The following FLNB variants were observed in gnomAD, a reference collection of about 807,000 sequenced individuals.
FLNB encodes filamin B, also known as filamin-B.
FLNB carries 111 observed loss-of-function variants against 250.6 expected under a neutral mutation model. The observed-to-expected ratio is 0.44, with a 90% CI of 0.38 to 0.52. FLNB has a LOEUF of 0.52. Among genes scored for constraint, FLNB ranks in the 20% least tolerant of loss-of-function variants. FLNB has a pLI of 0.00. For missense variants in FLNB, 2,869 were observed against 3,447.8 expected, an observed-to-expected ratio of 0.83 and a Z score of 4.20; for synonymous variants, 1,302 against 1,372.1, an observed-to-expected ratio of 0.95 and a Z score of 1.13.
chr3:58,043,291 T>C (rs1038270288), intron 1 of FLNB, among the ~76,000 whole-genome samples: 1 of 151,834 alleles, frequency 6.6e-6, no homozygotes, highest in African/African-American at 2.4e-5. Flanking sequence ...CACTCCACCG[T>C]GTCCGGCTAA....
chr3:58,153,500 C>A lies in FLNB; in HGVS notation c.6493C>A (p.His2165Asn). Residue 2165 changes from histidine to asparagine, a missense_variant, in exon 39 of 46, where the codon CAC becomes AAC. His to Asn is a moderately conservative substitution (Grantham distance 68, BLOSUM62 1). Transcript: ENST00000295956. ...VRFVPQEMGV[H>N]TVSVKYRGQH... is the part of the protein sequence containing the mutation. ...GTTTGTGCCCCAGGAGATGGGCGTG[C>A]ACACGGTCAGCGTCAAGTACCGTGG... 6.2e-7 allele frequency: 1 copy of A among 1,614,212 alleles called. No individual in the cohort carries two copies. Among genetic ancestry groups the A allele is most frequent in the Non-Finnish European group, 8.5e-7 (1 of 1,180,052 alleles).
intron 4 of FLNB, among the ~76,000 whole-genome samples, chr3:58,083,810 C>T (rs949469352): frequency 3.3e-5 from 5 of 152,150 alleles, no homozygotes; most frequent in Non-Finnish European, 7.3e-5. Flanking sequence ...GTGTGTGAGA[C>T]ATCACTTGTG....
At position 58,132,802 on chromosome 3, in the gene FLNB, C is replaced by A; in HGVS notation, c.4391-6C>A. On this transcript the variant is annotated splice_polypyrimidine_tract_variant and splice_region_variant and intron_variant, in intron 25 of 45. Coordinates refer to ENST00000295956, the MANE Select transcript of FLNB (RefSeq NM_001457.4). ...AGCTCCTTAAACCTCTCATCTCTGT[C>A]CTCAGGCTTGGTGGAGCCAGTGAAC... 8.1e-6 allele frequency: 13 copies of A among 1,614,086 alleles called. No individual in the cohort carries two copies. Among genetic ancestry groups the A allele is most frequent in the Non-Finnish European group, 1.1e-5 (13 of 1,180,016 alleles).
At chr3:58,152,881 G>A (rs1404557670) in intron 38 of FLNB, 1 of 450,890 alleles carries the variant, frequency 2.2e-6, no homozygotes, top group African/African-American at 2.0e-5. Context: ...GAGTGATGTG[G>A]TCTTGCGTCC....
rs150151190 is a variant in FLNB, at chr3:58,150,713, C to T, written c.6367+486C>T. 4.4e-4 allele frequency: 87 copies of T among 198,946 alleles called. 1 individual carries two copies. Among genetic ancestry groups the T allele is most frequent in the African/African-American group, 1.6e-3 (68 of 42,818 alleles). The allele number at this position is 198,946 out of a possible 1,614,324, so 12.3% of individuals were successfully genotyped here. On this transcript the variant is annotated intron_variant, in intron 38 of 45. Coordinates refer to ENST00000295956, the MANE Select transcript of FLNB (RefSeq NM_001457.4). ...GTGGTGAATTGTTCTTCTTGGGCCCCGATTAGCCAGTCAACAGGTCACACA... is the reference window on the plus strand; with the variant it reads ...GTGGTGAATTGTTCTTCTTGGGCCCTGATTAGCCAGTCAACAGGTCACACA...
At chr3:58,162,579 C>A (rs1185014962) in intron 42 of FLNB, 1 of 152,700 alleles carries the variant, frequency 6.5e-6, no homozygotes, top group Non-Finnish European at 1.5e-5. Context: ...CTTTTTATTT[C>A]TTGTTATGCC....
At chr3:58,078,497 T>C in intron 2 of FLNB, 1 of 1,536,302 alleles carries the variant, frequency 6.5e-7, no homozygotes, top group Non-Finnish European at 8.7e-7. Context: ...TGCAAGAACA[T>C]AGCACCCGGA....
chr3:58,158,027 G>T (rs1339104315), intron 41 of FLNB, among the ~76,000 whole-genome samples: 3 of 151,558 alleles, frequency 2.0e-5, no homozygotes, highest in Non-Finnish European at 4.4e-5. Flanking sequence ...GCAACATCTG[G>T]TGCTGGTTAG....
Position 58,150,019 on chromosome 3 carries a change from C to G in FLNB, c.6244+17C>G, listed in dbSNP as rs372960027. 5.6e-6 allele frequency: 9 copies of G among 1,614,146 alleles called. No homozygotes were observed. The highest frequency in any genetic ancestry group is 8.5e-7 in the Non-Finnish European group (1 of 1,180,052). ...ACGTGCCTGGTATGTGCATTCCATT[C>G]CCCTCCAGGTGGGATGCTTGGGTTT... On this transcript the variant is annotated intron_variant, in intron 37 of 45. Coordinates refer to ENST00000295956, the MANE Select transcript of FLNB (RefSeq NM_001457.4).
chr3:58,153,762 G>GCATT, intron 39 of FLNB, 121 bp downstream of exon 39: 1 of 1,159,804 alleles, frequency 8.6e-7, no homozygotes, highest in South Asian at 1.3e-5. Context: ...GGCATTAAGG[G>GCATT]CATTATTTAA....
chr3:58,111,925 G>A (rs1159203333), intron 17 of FLNB, 44 bp downstream of exon 17: 20 of 1,482,840 alleles, frequency 1.3e-5, no homozygotes, highest in South Asian at 7.9e-5. Flanking sequence ...TCTGCCAGCC[G>A]GTGGCACTGG....
At chr3:58,118,809 T>C (rs558540713) in intron 18 of FLNB, 63 bp from the exon 19 acceptor site, 10 of 1,236,152 alleles carry the variant, frequency 8.1e-6, no homozygotes, top group Non-Finnish European at 1.2e-5. Context: ...CTTGAGGGGA[T>C]TTTAAATGCC....
intron 1 of FLNB, among the ~76,000 whole-genome samples, chr3:58,010,500 C>T (rs914193109): frequency 3.3e-5 from 5 of 152,084 alleles, no homozygotes; most frequent in Admixed American, 6.5e-5. Context: ...CTGCATGGCA[C>T]GCTGTTGTCT....
At chr3:58,116,472 C>T (rs1479530468) in intron 18 of FLNB, among the ~76,000 whole-genome samples, 1 of 152,184 alleles carries the variant, frequency 6.6e-6, no homozygotes, top group African/African-American at 2.4e-5. Context: ...TCCCTGATTG[C>T]TGGTTTTGCT....
rs371437851 is a variant in FLNB, at chr3:58,124,738, G to A, written c.3898+233G>A. Among the ~76,000 whole-genome samples, 28 of 152,310 alleles carry A rather than the reference G, an allele frequency of 1.8e-4. No individual in the cohort carries two copies. The South Asian group carries it at 5.6e-3, about 30-fold the overall frequency. On this transcript the variant is annotated intron_variant, in intron 22 of 45. Coordinates refer to ENST00000295956, the MANE Select transcript of FLNB (RefSeq NM_001457.4). The stretch of plus-strand genomic sequence containing the variant: ...TTTAGCCTCAGTCTCACCTCAGCAA[G>A]TTATGGGGTAATGTCATGATGTTGC...
intron 29 of FLNB, among the ~76,000 whole-genome samples, chr3:58,141,186 G>A (rs2097326394): frequency 6.6e-6 from 1 of 152,176 alleles, no homozygotes; most frequent in African/African-American, 2.4e-5. Context: ...CCAGAAGGTT[G>A]AGGCTGTAGT....
chr3:58,088,497 T>G (rs1355780103), intron 4 of FLNB, among the ~76,000 whole-genome samples: 1 of 151,796 alleles, frequency 6.6e-6, no homozygotes, highest in Admixed American at 6.6e-5. Flanking sequence ...ACAGGGAGCC[T>G]CTGAAAAAGG....
intron 1 of FLNB, among the ~76,000 whole-genome samples, chr3:58,032,860 G>T (rs2097132833): frequency 6.6e-6 from 1 of 152,142 alleles, no homozygotes; most frequent in Non-Finnish European, 1.5e-5. Flanking sequence ...TTGAGCCTGG[G>T]AATTCAGGAC....
In FLNB at chr3:58,109,594, A is replaced by G. The variant is rs2097265085; in HGVS notation, c.2218A>G (p.Ser740Gly). ...SPYRVNIGQG[S>G]HPQKVKVFGP... ...TCTCTAGGTCAACATCGGGCAAGGTAGCCATCCTCAGAAGGTCAAAGTGTT... is the reference window on the plus strand; with the variant it reads ...TCTCTAGGTCAACATCGGGCAAGGTGGCCATCCTCAGAAGGTCAAAGTGTT... The change falls in exon 15 of 46, where the codon AGC becomes GGC. Residue 740 changes from serine (S) to glycine (G), a missense_variant. Physicochemically the swap from Ser to Gly is moderately conservative, Grantham distance 56 (BLOSUM62 0). Transcript: ENST00000295956. The G allele has an allele frequency of 6.2e-7, 1 of 1,614,238 alleles. No individual in the cohort carries two copies. The highest frequency in any genetic ancestry group is 8.5e-7 in the Non-Finnish European group (1 of 1,180,036).
Sources: allele counts gnomAD v4.1 joint callset (sites outside exome capture counted in the v4.1 genomes callset), GRCh38; gene constraint gnomAD v4.1.1; transcripts MANE v1.5; gene names NCBI Gene and HGNC (gene_info 2026-07-23, HGNC 2026-07-21).